The following MYO9A variants were observed in gnomAD, a reference collection of about 807,000 sequenced individuals.
MYO9A encodes myosin IXA, also known as unconventional myosin-IXa.
In MYO9A, 103 loss-of-function variants were observed where a neutral mutation model predicts 293.3. The ratio of observed to expected loss-of-function variants is 0.35; its 90% CI spans 0.30 to 0.41. The LOEUF (loss-of-function observed/expected upper bound fraction) is 0.41. Ranked by LOEUF, MYO9A falls within the 10% of genes least tolerant of loss-of-function variation. MYO9A has a pLI of 1.00. For synonymous variants in MYO9A, 1,001 were observed against 1,035.7 expected, an observed-to-expected ratio of 0.97 and a Z score of 0.64; for missense variants, 2,685 against 3,033.0, an observed-to-expected ratio of 0.89 and a Z score of 2.69.
At position 72,003,238 on chromosome 15, in the gene MYO9A, T is replaced by C. The variant is rs147939598; in HGVS notation, c.1381-3298A>G. ...GAGCTGAGATCGCACCATTGCACTG[T>C]AGCCTGGGCAACAAGAGCAAAATAC... On this transcript the variant is annotated intron_variant, in intron 8 of 41. Transcript: ENST00000356056. Among the ~76,000 whole-genome samples the C allele has an allele frequency of 6.2e-3, 871 of 140,270 alleles. 11 individuals are homozygous for C. The highest frequency in any genetic ancestry group is 0.021 in the African/African-American group (767 of 37,300). 92.0% of individuals were successfully genotyped at this position (140,270 alleles called of 152,430 possible). A position where few individuals can be genotyped will look rare whatever the true frequency, so the allele number is the denominator to read the frequency against.
intron 1 of MYO9A, among the ~76,000 whole-genome samples, chr15:72,049,834 T>A (rs983296217): frequency 1.3e-5 from 2 of 152,040 alleles, no homozygotes; most frequent in Non-Finnish European, 2.9e-5. Context: ...TGTGGAAAAA[T>A]TTTCATCTAT....
At chr15:71,917,501 C>CTG (rs910402761) in intron 18 of MYO9A, among the ~76,000 whole-genome samples, 8 of 152,112 alleles carry the variant, frequency 5.3e-5, no homozygotes, top group African/African-American at 1.9e-4. Flanking sequence ...AGCCACTGCA[C>CTG]ACCAGCCCGG....
At chr15:71,847,304 C>A in intron 39 of MYO9A, 1 of 334,380 alleles carries the variant, frequency 3.0e-6, no homozygotes, top group South Asian at 2.3e-5. Context: ...GACTTGGGGC[C>A]GAACATGGAG....
intron 32 of MYO9A, among the ~76,000 whole-genome samples, 162 bp from the exon 33 acceptor site, chr15:71,862,773 T>C (rs960497262): frequency 2.6e-5 from 4 of 152,168 alleles, no homozygotes; most frequent in African/African-American, 9.7e-5. Context: ...AATATATTTT[T>C]CCTGCTTTCC....
intron 1 of MYO9A, among the ~76,000 whole-genome samples, chr15:72,058,128 C>T (rs912813838): frequency 7.2e-5 from 11 of 152,296 alleles, no homozygotes; most frequent in Non-Finnish European, 1.3e-4. Context: ...TCAAATAAGG[C>T]AGTACCCCCT....
intron 12 of MYO9A, 134 bp downstream of exon 12, chr15:71,978,036 CA>C: frequency 9.5e-7 from 1 of 1,054,476 alleles, no homozygotes; most frequent in Non-Finnish European, 1.4e-6. Flanking sequence ...GACTCCGTCT[CA>C]AAAATAAATA....
At chr15:72,082,952 T>G (rs879955758) in intron 1 of MYO9A, among the ~76,000 whole-genome samples, 1 of 151,240 alleles carries the variant, frequency 6.6e-6, no homozygotes, top group East Asian at 1.9e-4. Flanking sequence ...ATTTTTGCAT[T>G]GATATTCATC....
chr15:71,901,284 C>T lies in MYO9A; in HGVS notation c.3057G>A (p.Val1019=). The change falls in exon 23 of 42, where the codon GTG becomes GTA. Residue 1019 remains valine (V), a synonymous_variant. Coordinates refer to ENST00000356056, the MANE Select transcript of MYO9A (RefSeq NM_006901.4). The part of the protein sequence containing the change: ...QHLQDLLHQE[V]LRRIILLQRW... ...GCTGCAACAATATGATTCTGCGGAGCACCTCTTGGTGAAGCAGATCTTGTA... is the reference window on the plus strand; with the variant it reads ...GCTGCAACAATATGATTCTGCGGAGTACCTCTTGGTGAAGCAGATCTTGTA... 1 of 1,613,996 alleles carries T rather than the reference C, an allele frequency of 6.2e-7. No individual in the cohort carries two copies. Among genetic ancestry groups the T allele is most frequent in the East Asian group, 2.2e-5 (1 of 44,844 alleles).
intron 15 of MYO9A, among the ~76,000 whole-genome samples, chr15:71,946,246 G>C (rs889087203): frequency 6.6e-6 from 1 of 151,998 alleles, no homozygotes; most frequent in Non-Finnish European, 1.5e-5. Context: ...CCTGTTTTTT[G>C]AAAGAGTTGA....
At chr15:72,095,179 C>T (rs71395061) in intron 1 of MYO9A, among the ~76,000 whole-genome samples, 3,241 of 92,638 alleles carry the variant, frequency 0.035, 1,272 homozygotes, top group Non-Finnish European at 0.073. Flanking sequence ...AGCTAGACCT[C>T]TTGTGCAAAA....
chr15:71,849,574 T>A (rs1200633562), intron 38 of MYO9A, among the ~76,000 whole-genome samples: 1 of 152,060 alleles, frequency 6.6e-6, no homozygotes, highest in Non-Finnish European at 1.5e-5. Context: ...CAAATATTGA[T>A]ATATTTTTTA....
intron 6 of MYO9A, among the ~76,000 whole-genome samples, chr15:72,014,781 AAAAG>A (rs1405084555): frequency 1.3e-5 from 2 of 151,998 alleles, no homozygotes; most frequent in Non-Finnish European, 2.9e-5. Flanking sequence ...AGAAAGAAAG[AAAAG>A]AAAGAAGGAA....
At chr15:72,054,050 C>T (rs1348068924) in intron 1 of MYO9A, among the ~76,000 whole-genome samples, 1 of 152,150 alleles carries the variant, frequency 6.6e-6, no homozygotes, top group African/African-American at 2.4e-5. Context: ...TCAGTAGACA[C>T]ACATCTATAA....
intron 12 of MYO9A, among the ~76,000 whole-genome samples, chr15:71,976,144 ACTACCTC>A (rs1240901748): frequency 1.4e-4 from 22 of 152,292 alleles, no homozygotes; most frequent in African/African-American, 5.1e-4. Flanking sequence ...GGGATCTGAT[ACTACCTC>A]CAGGTAGACA....
chr15:72,102,153 C>A (rs1051313237), intron 1 of MYO9A, among the ~76,000 whole-genome samples: 3 of 151,472 alleles, frequency 2.0e-5, no homozygotes, highest in Non-Finnish European at 2.9e-5. Flanking sequence ...AAGAAAACTT[C>A]TGCCTTGGGA....
At chr15:71,931,140 G>C (rs1452005182) in intron 18 of MYO9A, among the ~76,000 whole-genome samples, 1 of 152,146 alleles carries the variant, frequency 6.6e-6, no homozygotes, top group Admixed American at 6.5e-5. Flanking sequence ...GTTTGAATTA[G>C]ACAGTGTACT....
chr15:72,070,106 G>A (rs555488517), intron 1 of MYO9A, among the ~76,000 whole-genome samples: 6 of 144,816 alleles, frequency 4.1e-5, no homozygotes, highest in African/African-American at 1.0e-4. Flanking sequence ...TCCAACCTGG[G>A]TGACACAGTG....
intron 18 of MYO9A, among the ~76,000 whole-genome samples, chr15:71,928,038 ATATATATATATATATATATTTTTTTTTTT>A (rs2058362514): frequency 1.2e-4 from 1 of 8,096 alleles, no homozygotes; most frequent in Non-Finnish European, 6.2e-4. Flanking sequence ...ATATATATAT[ATATATATATATATATATATTTTTTTTTTT>A]TTTTTTTTTT....
intron 6 of MYO9A, among the ~76,000 whole-genome samples, chr15:72,015,186 G>C (rs565037376): frequency 1.3e-5 from 2 of 152,090 alleles, no homozygotes; most frequent in Admixed American, 6.6e-5. Flanking sequence ...TGCAGAGAAA[G>C]TTGTGGAGTA....
Sources: allele counts gnomAD v4.1 joint callset (sites outside exome capture counted in the v4.1 genomes callset), GRCh38; gene constraint gnomAD v4.1.1; transcripts MANE v1.5; gene names NCBI Gene and HGNC (gene_info 2026-07-23, HGNC 2026-07-21).